The following SLC7A7 variants were observed in gnomAD, a reference collection of about 807,000 sequenced individuals.
The protein encoded by SLC7A7 is Y+L amino acid transporter 1.
A neutral mutation model predicts 47.9 loss-of-function variants in SLC7A7; 39 were observed. The ratio of observed to expected loss-of-function variants is 0.81; its 90% CI spans 0.63 to 1.06. The LOEUF (loss-of-function observed/expected upper bound fraction) is 1.06, where lower values mean the gene tolerates loss of function less well. Ranked by LOEUF, SLC7A7 falls within the 50% of genes least tolerant of loss-of-function variation. SLC7A7 has a pLI of 0.00. For synonymous variants in SLC7A7, 234 were observed against 242.8 expected (o/e 0.96, Z 0.34); for missense variants, 588 against 632.0 (o/e 0.93, Z 0.75).
intron 2 of SLC7A7, among the ~76,000 whole-genome samples, chr14:22,792,142 T>C (rs1436616729): frequency 1.3e-5 from 2 of 151,620 alleles, no homozygotes; most frequent in Non-Finnish European, 2.9e-5. Flanking sequence ...GCCTGGAAAC[T>C]CTCTACACCT....
rs1186892371 is a variant in SLC7A7, at chr14:22,795,398, CTTTCTTTCTTTCTTTCT to C, written c.500-15364_500-15348del. Among the ~76,000 whole-genome samples the C allele has an allele frequency of 4.6e-3, 335 of 73,560 alleles. 8 individuals are homozygous for C. The highest frequency in any genetic ancestry group is 0.019 in the African/African-American group (321 of 16,876). The allele number at this position is 73,560 out of a possible 152,430, so 48.3% of individuals were successfully genotyped here. A position where few individuals can be genotyped will look rare whatever the true frequency, so the allele number is the denominator to read the frequency against. On this transcript the variant is annotated intron_variant, in intron 2 of 9. Coordinates refer to ENST00000674313, the MANE Select transcript of SLC7A7 (RefSeq NM_003982.4). Reference sequence around the variant, plus strand: ...TATTGCTTGCTTGCTTTCTTTCTTTCTTTCTTTCTTTCTTTCTTTCTTTCTTTCTTTCTTTCTTTCTT... The same window carrying C: ...TATTGCTTGCTTGCTTTCTTTCTTTCTTCTTTCTTTCTTTCTTTCTTTCTT...
intron 2 of SLC7A7, among the ~76,000 whole-genome samples, chr14:22,798,170 A>G (rs1028196793): frequency 6.6e-6 from 1 of 152,066 alleles, no homozygotes. Flanking sequence ...AGTGGTGGGC[A>G]CCTGTAATCC....
At chr14:22,780,344 A>T in intron 2 of SLC7A7, 1 of 385,270 alleles carries the variant, frequency 2.6e-6, no homozygotes, top group Non-Finnish European at 4.9e-6. Context: ...CAGCAGTGGG[A>T]GGCAACTGGG....
intron 2 of SLC7A7, among the ~76,000 whole-genome samples, chr14:22,798,302 AAAG>A (rs34641571): frequency 0.19 from 28,688 of 151,598 alleles, 2,992 homozygotes; most frequent in East Asian, 0.38. Context: ...TGTCAAAAAA[AAAG>A]AAGAAGAAGA....
upstream of SLC7A7, among the ~76,000 whole-genome samples, chr14:22,817,889 C>T (rs1040727888): frequency 3.3e-5 from 5 of 152,142 alleles, no homozygotes; most frequent in Non-Finnish European, 4.4e-5. Context: ...ATAGCCTAGA[C>T]GAAAGGCTCC....
chr14:22,805,273 G>A (rs2039182393), intron 2 of SLC7A7, among the ~76,000 whole-genome samples: 4 of 152,190 alleles, frequency 2.6e-5, no homozygotes, highest in African/African-American at 9.6e-5. Flanking sequence ...GGCTGAGGCA[G>A]AGAACCACTC....
chr14:22,813,582 C>T (rs1395739669), intron 1 of SLC7A7, 142 bp from the exon 2 acceptor site: 5 of 667,654 alleles, frequency 7.5e-6, no homozygotes, highest in Non-Finnish European at 1.3e-5. Flanking sequence ...GCTCACTCAT[C>T]AAAACAACCC....
At position 22,776,464 on chromosome 14, in the gene SLC7A7, G is replaced by A. The variant is rs183832588; in HGVS notation, c.771-146C>T. 9 of 1,031,512 alleles carry A rather than the reference G, an allele frequency of 8.7e-6. No individual in the cohort carries two copies. The African/African-American group carries it at 1.1e-4, about 13-fold the overall frequency. The allele number at this position is 1,031,512 out of a possible 1,614,324, so 63.9% of individuals were successfully genotyped here. On this transcript the variant is annotated intron_variant, in intron 4 of 9. Transcript: ENST00000674313. The stretch of plus-strand genomic sequence containing the variant: ...CCTCAATGCATTTGTCTTTGACGGT[G>A]CCCTGGATAGTGGCTGAAGCTCTGA...
Position 22,808,396 on chromosome 14 carries a change from G to A in SLC7A7, c.499+4504C>T, listed in dbSNP as rs2039248425. 1.3e-5 allele frequency among the ~76,000 whole-genome samples: 2 copies of A among 152,186 alleles called. 1 individual carries two copies. Among genetic ancestry groups the A allele is most frequent in the South Asian group, 4.1e-4 (2 of 4,828 alleles). ...TTTCTAAGGGAGGGAATGTATGAAA[G>A]CTCTAAATTAAAGCCCTTCTCTTGC... On this transcript the variant is annotated intron_variant, in intron 2 of 9. Coordinates refer to ENST00000674313, the MANE Select transcript of SLC7A7 (RefSeq NM_003982.4).
upstream of SLC7A7, chr14:22,817,368 C>G (rs2039421556): frequency 5.5e-6 from 1 of 182,858 alleles, no homozygotes; most frequent in Non-Finnish European, 1.2e-5. Context: ...GAGACAGACA[C>G]TTACTCTGTC....
chr14:22,806,561 T>C (rs1455830350), intron 2 of SLC7A7, among the ~76,000 whole-genome samples: 2 of 151,956 alleles, frequency 1.3e-5, no homozygotes, highest in Non-Finnish European at 2.9e-5. Flanking sequence ...ACCTTCCCTA[T>C]TTTAGATGGC....
chr14:22,794,540 A>G (rs950080268), intron 2 of SLC7A7, among the ~76,000 whole-genome samples: 3 of 152,108 alleles, frequency 2.0e-5, no homozygotes, highest in African/African-American at 7.2e-5. Context: ...AGTGAGCATC[A>G]GTACCACCTG....
chr14:22,775,099 A>ACACT (rs778889049), intron 7 of SLC7A7, among the ~76,000 whole-genome samples: 3 of 151,376 alleles, frequency 2.0e-5, no homozygotes, highest in Non-Finnish European at 4.4e-5. Context: ...TAAGACACAC[A>ACACT]CACACACTTC....
chr14:22,782,465 TTTTA>T (rs201450073), intron 2 of SLC7A7, among the ~76,000 whole-genome samples: 1 of 150,118 alleles, frequency 6.7e-6, no homozygotes, highest in Non-Finnish European at 1.5e-5. Context: ...TATTTATTTA[TTTTA>T]TTTATTTTTT....
At position 22,796,838 on chromosome 14, in the gene SLC7A7, C is replaced by T. The variant is rs144829488; in HGVS notation, c.499+16062G>A. Among the ~76,000 whole-genome samples the T allele has an allele frequency of 3.9e-3, 601 of 152,290 alleles. 3 individuals are homozygous for T. Among genetic ancestry groups the T allele is most frequent in the Non-Finnish European group, 6.3e-3 (427 of 68,022 alleles). ...TCCTCTTGCTGAGAGGAAAGTTCCA[C>T]CTCTCTTGCAAAACAGAAAGAAAAG... is the stretch of plus-strand genomic sequence containing the variant. On this transcript the variant is annotated intron_variant, in intron 2 of 9. Transcript: ENST00000674313.
chr14:22,818,105 TA>T (rs1269051571), upstream of SLC7A7, among the ~76,000 whole-genome samples: 1 of 151,718 alleles, frequency 6.6e-6, no homozygotes, highest in East Asian at 1.9e-4. Context: ...GCATGTGTCC[TA>T]ATATGACGTA....
chr14:22,776,666 C>G, intron 4 of SLC7A7, among the ~76,000 whole-genome samples: 1 of 152,028 alleles, frequency 6.6e-6, no homozygotes, highest in Non-Finnish European at 1.5e-5. Flanking sequence ...AACCCTGTCT[C>G]TACAAAAAAC....
chr14:22,781,175 C>G (rs1370463849), intron 2 of SLC7A7, among the ~76,000 whole-genome samples: 1 of 152,170 alleles, frequency 6.6e-6, no homozygotes, highest in African/African-American at 2.4e-5. Context: ...CCCTGCCTTA[C>G]CAGTCAAGAG....
rs548433310 is a variant in SLC7A7 at position 22,786,282 on chromosome 14, C to T, written c.500-6231G>A. 7.3e-5 allele frequency among the ~76,000 whole-genome samples: 11 copies of T among 150,834 alleles called. No homozygotes were observed. The South Asian group carries it at 2.3e-3, about 32-fold the overall frequency. On this transcript the variant is annotated intron_variant, in intron 2 of 9. Transcript: ENST00000674313. ...GCAGTGGGCCGAGATCACGGCACTG[C>T]ACTCCAGCCTGGCCACAGAGCAAGA...
Sources: gnomAD v4.1 joint callset for allele counts (sites outside exome capture counted in the v4.1 genomes callset) on GRCh38, gnomAD v4.1.1 for gene constraint, MANE v1.5 for transcripts, NCBI Gene and HGNC (gene_info 2026-07-23, HGNC 2026-07-21) for gene names.